CLPB: variants seen among roughly 807,000 people sequenced by gnomAD.
CLPB encodes mitochondrial disaggregase.
A neutral mutation model predicts 78.4 loss-of-function variants in CLPB; 40 were observed. The observed-to-expected ratio is 0.51, with a 90% confidence interval of 0.40 to 0.66. The LOEUF is 0.66. Ranked by LOEUF, CLPB falls within the 30% of genes least tolerant of loss-of-function variation. CLPB has a pLI of 0.00. For synonymous variants in CLPB, 333 were observed against 348.0 expected, an observed-to-expected ratio of 0.96 and a Z score of 0.48; for missense variants, 780 against 886.9, an observed-to-expected ratio of 0.88 and a Z score of 1.53.
chr11:72,360,622 A>G (rs1337226826), intron 4 of CLPB, among the ~76,000 whole-genome samples: 1 of 152,048 alleles, frequency 6.6e-6, no homozygotes, highest in Non-Finnish European at 1.5e-5. Flanking sequence ...TTTTTAGTAG[A>G]GATGGGGTTT....
chr11:72,331,191 C>T (rs1950218978), intron 5 of CLPB, among the ~76,000 whole-genome samples: 1 of 151,862 alleles, frequency 6.6e-6, no homozygotes, highest in African/African-American at 2.4e-5. Context: ...ATCACGAGGT[C>T]AGGAGATTGA....
rs747456359 is a variant in CLPB, at chr11:72,357,700, GAAAAAAAA to G, written c.775+1172_775+1179del. On this transcript the variant is annotated intron_variant, in intron 5 of 15. Transcript: ENST00000538039. ...AACAAAAGCAAAACTCCGTGTCCCA[GAAAAAAAA>G]AAAAAAAAAAAAAAAAAGGTTTCAA... Among the ~76,000 whole-genome samples, 5 of 43,878 alleles carry G rather than the reference GAAAAAAAA, an allele frequency of 1.1e-4. No homozygotes were observed. In the East Asian group the frequency reaches 3.1e-3, roughly 27 times the overall value. The allele number at this position is 43,878 out of a possible 152,430, so 28.8% of individuals were successfully genotyped here. A position where few individuals can be genotyped will look rare whatever the true frequency, so the allele number is the denominator to read the frequency against.
intron 7 of CLPB, among the ~76,000 whole-genome samples, chr11:72,316,284 G>T (rs1056785108): frequency 6.6e-6 from 1 of 152,172 alleles, no homozygotes; most frequent in Admixed American, 6.5e-5. Context: ...ATTTTTAACA[G>T]GTTCCCAGAA....
chr11:72,381,524 G>T (rs1023547421), intron 3 of CLPB, among the ~76,000 whole-genome samples: 1 of 152,128 alleles, frequency 6.6e-6, no homozygotes, highest in Non-Finnish European at 1.5e-5. Flanking sequence ...CAGGCTTCAG[G>T]CCCACCTTGC....
At chr11:72,426,005 T>G (rs538505802) in intron 2 of CLPB, among the ~76,000 whole-genome samples, 19 of 152,190 alleles carry the variant, frequency 1.2e-4, no homozygotes, top group Non-Finnish European at 2.4e-4. Flanking sequence ...GAACCATGAC[T>G]GCTTAAGTGT....
At chr11:72,424,957 T>C (rs1024191778) in intron 2 of CLPB, among the ~76,000 whole-genome samples, 4 of 152,036 alleles carry the variant, frequency 2.6e-5, no homozygotes, top group Non-Finnish European at 5.9e-5. Flanking sequence ...GCACCTCTAA[T>C]TCCAGCTACT....
chr11:72,388,790 T>C (rs1236581519), intron 3 of CLPB, among the ~76,000 whole-genome samples: 1 of 152,172 alleles, frequency 6.6e-6, no homozygotes. Flanking sequence ...TACAAGAGTA[T>C]GATTCACCAC....
At chr11:72,297,488 T>C (rs755011383) in intron 11 of CLPB, among the ~76,000 whole-genome samples, 1 of 152,244 alleles carries the variant, frequency 6.6e-6, no homozygotes, top group Non-Finnish European at 1.5e-5. Flanking sequence ...CTGGTCACTC[T>C]GCTGTCCCTG....
intron 4 of CLPB, among the ~76,000 whole-genome samples, chr11:72,366,801 A>C (rs1950951569): frequency 6.6e-6 from 1 of 152,232 alleles, no homozygotes; most frequent in East Asian, 1.9e-4. Flanking sequence ...TAGTTCAGCC[A>C]CTATGGAAAG....
At chr11:72,421,455 A>G (rs558473561) in intron 2 of CLPB, among the ~76,000 whole-genome samples, 2 of 152,324 alleles carry the variant, frequency 1.3e-5, no homozygotes, top group South Asian at 4.1e-4. Context: ...GGAAGATGTG[A>G]CAGTGATGAC....
In CLPB at chr11:72,291,544, GTAA is replaced by G. The variant is rs1949452335; in HGVS notation, c.*1820_*1822del. ...GCTGGTCTCGAACTCCTGACCTCAG[GTAA>G]TCTGCCTGCCTCAGCCTCCCAAAGT... is the stretch of plus-strand genomic sequence containing the variant. On this transcript the variant is annotated 3_prime_UTR_variant, in exon 16 of 16. Transcript: ENST00000538039. 2 of 151,884 alleles carry G rather than the reference GTAA, an allele frequency of 1.3e-5. No homozygotes were observed. Among genetic ancestry groups the G allele is most frequent in the Non-Finnish European group, 2.9e-5 (2 of 68,004 alleles). The allele number at this position is 151,884 out of a possible 1,614,324, so 9.4% of individuals were successfully genotyped here. A position where few individuals can be genotyped will look rare whatever the true frequency, so the allele number is the denominator to read the frequency against.
intron 6 of CLPB, among the ~76,000 whole-genome samples, chr11:72,325,303 G>C (rs1334951944): frequency 1.3e-5 from 2 of 152,120 alleles, no homozygotes; most frequent in Non-Finnish European, 2.9e-5. Context: ...AGCCTGCCCT[G>C]CTCTCTCTGC....
intron 9 of CLPB, among the ~76,000 whole-genome samples, chr11:72,305,278 C>A (rs534214112): frequency 3.9e-5 from 6 of 152,316 alleles, no homozygotes; most frequent in Middle Eastern, 3.4e-3. Flanking sequence ...TGCTGTAGGG[C>A]CTCAGTTTTC....
intron 2 of CLPB, among the ~76,000 whole-genome samples, chr11:72,415,240 A>G (rs1379783746): frequency 6.6e-6 from 1 of 152,160 alleles, no homozygotes; most frequent in African/African-American, 2.4e-5. Flanking sequence ...GAAAGATTAC[A>G]AGGCCAATAA....
In CLPB at chr11:72,310,620, G is replaced by C. The variant is rs547517644; in HGVS notation, c.989-2016C>G. Among the ~76,000 whole-genome samples the C allele has an allele frequency of 7.2e-5, 11 of 152,306 alleles. No individual in the cohort carries two copies. In the East Asian group the frequency reaches 2.1e-3, roughly 29 times the overall value. On this transcript the variant is annotated intron_variant, in intron 7 of 15. Transcript: ENST00000538039. Reference sequence around the variant, plus strand: ...GACATGTGTGTACGTGTTAGGGCAGGGGTGACAGCAGTGACGTGAAAGGAG... The same window carrying C: ...GACATGTGTGTACGTGTTAGGGCAGCGGTGACAGCAGTGACGTGAAAGGAG...
At chr11:72,394,370 A>G (rs929714641) in intron 3 of CLPB, among the ~76,000 whole-genome samples, 1 of 150,766 alleles carries the variant, frequency 6.6e-6, no homozygotes, top group Non-Finnish European at 1.5e-5. Flanking sequence ...CCTATCCCCA[A>G]CTGCCACTCT....
At chr11:72,309,915 A>T (rs1949814230) in intron 7 of CLPB, among the ~76,000 whole-genome samples, 1 of 152,148 alleles carries the variant, frequency 6.6e-6, no homozygotes, top group Non-Finnish European at 1.5e-5. Context: ...GTGTCTGCCC[A>T]TCTTGAGTTG....
At chr11:72,317,473 C>T (rs576156128) in intron 6 of CLPB, among the ~76,000 whole-genome samples, 1 of 152,210 alleles carries the variant, frequency 6.6e-6, no homozygotes, top group Non-Finnish European at 1.5e-5. Context: ...TGGAGTCTGA[C>T]AGAAGACCTG....
intron 2 of CLPB, among the ~76,000 whole-genome samples, chr11:72,417,985 CCT>C (rs1356837403): frequency 2.6e-5 from 4 of 152,296 alleles, no homozygotes; most frequent in African/African-American, 9.6e-5. Context: ...TCGCAGGAGG[CCT>C]GGGTGCTATC....
Sources: gnomAD v4.1 joint callset for allele counts (sites outside exome capture counted in the v4.1 genomes callset) on GRCh38, gnomAD v4.1.1 for gene constraint, MANE v1.5 for transcripts, NCBI Gene and HGNC (gene_info 2026-07-23, HGNC 2026-07-21) for gene names.